Variants in KIAA0319 observed in about 807,000 individuals in gnomAD.
The protein encoded by KIAA0319 is KIAA0319, also known as dyslexia-associated protein KIAA0319.
KIAA0319 carries 83 observed loss-of-function variants against 108.4 expected under a neutral mutation model. The ratio of observed to expected loss-of-function variants is 0.77; its 90% CI spans 0.64 to 0.92. The LOEUF (loss-of-function observed/expected upper bound fraction) is 0.92. Among genes scored for constraint, KIAA0319 ranks in the 40% least tolerant of loss-of-function variants. The pLI is 0.00. For missense variants in KIAA0319, 1,195 were observed against 1,322.4 expected (o/e 0.90, Z 1.49); for synonymous variants, 484 against 510.4 (o/e 0.95, Z 0.70).
At chr6:24,543,009 A>G (rs1053510712), downstream of KIAA0319, among the ~76,000 whole-genome samples, 1 of 152,220 alleles carries the variant, frequency 6.6e-6, no homozygotes, top group African/African-American at 2.4e-5. Flanking sequence ...TTTGCTATAA[A>G]TCCAGAACGC....
chr6:24,576,065 G>A (rs867692747), intron 10 of KIAA0319, among the ~76,000 whole-genome samples: 16 of 152,256 alleles, frequency 1.1e-4, no homozygotes, highest in South Asian at 2.1e-4. Context: ...TATTTCTAAG[G>A]TTTCTCCCAA....
chr6:24,580,284 G>A (rs1766277787), intron 7 of KIAA0319, among the ~76,000 whole-genome samples: 1 of 152,050 alleles, frequency 6.6e-6, no homozygotes, highest in African/African-American at 2.4e-5. Context: ...GGATTGAGTG[G>A]ATCTTATATC....
At chr6:24,603,712 G>A (rs534221077) in intron 1 of KIAA0319, among the ~76,000 whole-genome samples, 60 of 152,216 alleles carry the variant, frequency 3.9e-4, no homozygotes, top group Non-Finnish European at 8.4e-4. Context: ...TAAGAACTCT[G>A]TGGCAGCCTA....
intron 20 of KIAA0319, among the ~76,000 whole-genome samples, chr6:24,548,256 C>G (rs747563863): frequency 6.6e-6 from 1 of 151,964 alleles, no homozygotes; most frequent in African/African-American, 2.4e-5. Flanking sequence ...ATTAGGCTCA[C>G]GGAAACATAG....
Position 24,576,471 on chromosome 6 carries a change from T to A in KIAA0319, c.1631A>T (p.Asn544Ile), listed in dbSNP as rs774771729. Residue 544 changes from asparagine to isoleucine, a missense_variant, in exon 10 of 21, where the codon AAC (asparagine) becomes ATC (isoleucine). Physicochemically the swap from Asn to Ile is moderately radical, Grantham distance 149. Transcript: ENST00000378214. ...GPNHTITLPQNSITLNGNQSS... is the reference protein window; with the variant it reads ...GPNHTITLPQISITLNGNQSS... ...CTGGTTTCCATTCAAAGTGATGGAG[T>A]TTTGGGGCAAAGTTATGGTGTGATT... The A allele has an allele frequency of 4.3e-6, 7 of 1,613,956 alleles. No homozygotes were observed. In the East Asian group the frequency reaches 1.6e-4, roughly 36 times the overall value.
At chr6:24,565,968 A>C (rs1181690619) in intron 14 of KIAA0319, among the ~76,000 whole-genome samples, 1 of 152,196 alleles carries the variant, frequency 6.6e-6, no homozygotes, top group Non-Finnish European at 1.5e-5. Context: ...ACTTGACCTC[A>C]AAGTGCTTCC....
chr6:24,643,864 G>A (rs1031769693), intron 1 of KIAA0319, among the ~76,000 whole-genome samples: 2 of 152,176 alleles, frequency 1.3e-5, no homozygotes, highest in African/African-American at 2.4e-5. Flanking sequence ...CTATTTTACA[G>A]GTGAGGAAAC....
At chr6:24,642,804 C>T (rs1469348750) in intron 1 of KIAA0319, among the ~76,000 whole-genome samples, 9 of 152,130 alleles carry the variant, frequency 5.9e-5, no homozygotes, top group Admixed American at 6.5e-5. Flanking sequence ...CCGCAACCTC[C>T]GCCTCCCGGA....
chr6:24,582,766 T>G (rs958302106), intron 5 of KIAA0319, among the ~76,000 whole-genome samples: 2 of 152,144 alleles, frequency 1.3e-5, no homozygotes, highest in Non-Finnish European at 2.9e-5. Flanking sequence ...TAATACATTG[T>G]GCTTTTCTCT....
At chr6:24,633,430 AAAGAT>A (rs1353967864) in intron 1 of KIAA0319, among the ~76,000 whole-genome samples, 1 of 152,228 alleles carries the variant, frequency 6.6e-6, no homozygotes, top group Non-Finnish European at 1.5e-5. Context: ...AATACATATT[AAAGAT>A]AACAATATGT....
Position 24,617,406 on chromosome 6 carries a change from C to T in KIAA0319, c.-105-16198G>A, listed in dbSNP as rs141216982. 3.6e-3 allele frequency among the ~76,000 whole-genome samples: 542 copies of T among 151,884 alleles called. 3 individuals are homozygous for T. The highest frequency in any genetic ancestry group is 0.011 in the African/African-American group (460 of 41,406). On this transcript the variant is annotated intron_variant, in intron 1 of 20. Transcript: ENST00000378214. ...TTCTGTATCTAGTAAAACAGCAATG[C>T]GGCAAAATCTTGAGATTGCTGGGGA...
chr6:24,597,917 CAAAAAAAAAAAAAAAAAAAAA>C, intron 2 of KIAA0319: 1 of 30,244 alleles, frequency 3.3e-5, no homozygotes, highest in African/African-American at 1.3e-4. Context: ...GACCCTATCT[CAAAAAAAAAAAAAAAAAAAAA>C]AAAAAAAAAA....
intron 19 of KIAA0319, among the ~76,000 whole-genome samples, 178 bp from the exon 20 acceptor site, chr6:24,551,703 C>G (rs1341653429): frequency 6.6e-6 from 1 of 152,202 alleles, no homozygotes; most frequent in African/African-American, 2.4e-5. Context: ...CATTATGCAT[C>G]TTGGAGAAAC....
rs1769464904 is a variant in KIAA0319 at position 24,595,900 on chromosome 6, T to C, written c.774A>G (p.Glu258=). Residue 258 remains glutamate (E), a synonymous_variant, in exon 3 of 21, where the codon GAA becomes GAG. Transcript: ENST00000378214. The part of the protein sequence containing the change: ...LEKEKASQLQ[E]QSSNSSGKEV... ...CTTTTCCAGAGCTGTTGCTGGATTG[T>C]TCCTGGAGCTGAGAAGCCTTTTCTT... The C allele has an allele frequency of 1.2e-6, 2 of 1,609,238 alleles. No homozygotes were observed. The highest frequency in any genetic ancestry group is 2.2e-5 in the East Asian group (1 of 44,842).
chr6:24,628,926 C>T (rs549285785), intron 1 of KIAA0319, among the ~76,000 whole-genome samples: 1 of 152,270 alleles, frequency 6.6e-6, no homozygotes, highest in African/African-American at 2.4e-5. Context: ...TCCGCAGAAA[C>T]CTTATTTTTA....
chr6:24,592,210 G>T (rs1426163222), intron 3 of KIAA0319, among the ~76,000 whole-genome samples: 3 of 152,082 alleles, frequency 2.0e-5, no homozygotes, highest in African/African-American at 7.2e-5. Context: ...TTTAAAATAA[G>T]GTATGAGATA....
At chr6:24,630,508 C>CAAAAA (rs66787757) in intron 1 of KIAA0319, among the ~76,000 whole-genome samples, 7 of 104,446 alleles carry the variant, frequency 6.7e-5, no homozygotes, top group Admixed American at 1.0e-4. Context: ...GATTCTGTCT[C>CAAAAA]AAAAAAAAAA....
rs116668787 is a variant in KIAA0319 at position 24,637,557 on chromosome 6, T to A, written c.-106+8179A>T. Among the ~76,000 whole-genome samples the A allele has an allele frequency of 9.0e-3, 1,376 of 152,362 alleles. 24 individuals are homozygous for A. The highest frequency in any genetic ancestry group is 0.029 in the African/African-American group (1,213 of 41,592). ...GACCCTCAGTTCTTTGGGGATGGAC[T>A]AAGTGGCTGTTATCATCAGTTACAA... On this transcript the variant is annotated intron_variant, in intron 1 of 20. Transcript: ENST00000378214.
chr6:24,548,005 C>T (rs1328876043), intron 20 of KIAA0319, among the ~76,000 whole-genome samples: 1 of 151,950 alleles, frequency 6.6e-6, no homozygotes, highest in African/African-American at 2.4e-5. Flanking sequence ...TATGCTCTAG[C>T]CCAGGTGACA....
Sources: allele counts gnomAD v4.1 joint callset (sites outside exome capture counted in the v4.1 genomes callset), GRCh38; gene constraint gnomAD v4.1.1; transcripts MANE v1.5; gene names NCBI Gene and HGNC (gene_info 2026-07-23, HGNC 2026-07-21).